The following SUCLG2 variants were observed in gnomAD, a reference collection of about 807,000 sequenced individuals.
The protein encoded by SUCLG2 is succinate--CoA ligase [GDP-forming] subunit beta, mitochondrial.
SUCLG2 carries 42 observed loss-of-function variants against 47.9 expected under a neutral mutation model. The ratio of observed to expected loss-of-function variants is 0.88; its 90% CI spans 0.69 to 1.14. SUCLG2 has a LOEUF of 1.14. Ranked by LOEUF, SUCLG2 falls within the 50% of genes most tolerant of loss-of-function variation. The pLI is 0.00. For synonymous variants in SUCLG2, 195 were observed against 197.3 expected, an observed-to-expected ratio of 0.99 and a Z score of 0.10; for missense variants, 571 against 525.9, an observed-to-expected ratio of 1.09 and a Z score of -0.84.
chr3:67,480,101 A>G (rs1704871885), intron 9 of SUCLG2, among the ~76,000 whole-genome samples: 2 of 151,450 alleles, frequency 1.3e-5, no homozygotes, highest in African/African-American at 4.9e-5. Context: ...GCTCTGGGCC[A>G]CCATAGGACG....
chr3:67,620,887 A>C (rs1373468396), intron 1 of SUCLG2, among the ~76,000 whole-genome samples: 1 of 152,230 alleles, frequency 6.6e-6, no homozygotes, highest in Non-Finnish European at 1.5e-5. Context: ...CTGGTAAGGC[A>C]AATACAGAGT....
At chr3:67,477,212 A>G (rs1704785991) in intron 9 of SUCLG2, among the ~76,000 whole-genome samples, 1 of 152,118 alleles carries the variant, frequency 6.6e-6, no homozygotes, top group South Asian at 2.1e-4. Flanking sequence ...CAAGAAGTTG[A>G]TTTAATTGCT....
chr3:67,424,029 T>C (rs1159541067), intron 9 of SUCLG2, among the ~76,000 whole-genome samples: 2 of 152,228 alleles, frequency 1.3e-5, no homozygotes, highest in Non-Finnish European at 2.9e-5. Flanking sequence ...ATAAATACTC[T>C]GATTTTGTTT....
intron 2 of SUCLG2, among the ~76,000 whole-genome samples, chr3:67,565,810 A>G (rs915867646): frequency 6.6e-6 from 1 of 152,258 alleles, no homozygotes; most frequent in South Asian, 2.1e-4. Context: ...ATGGTCTACT[A>G]AATGCATTGG....
At chr3:67,405,362 A>G (rs531029042) in intron 9 of SUCLG2, among the ~76,000 whole-genome samples, 8 of 152,346 alleles carry the variant, frequency 5.3e-5, no homozygotes, top group African/African-American at 1.7e-4. Flanking sequence ...AGCCCTTGCT[A>G]TTTATCAAGC....
intron 9 of SUCLG2, among the ~76,000 whole-genome samples, chr3:67,444,001 G>A (rs1474102963): frequency 2.2e-4 from 27 of 124,226 alleles, no homozygotes; most frequent in Non-Finnish European, 4.7e-4. Flanking sequence ...GCCCCATCCG[G>A]GAGGGAGGTG....
At chr3:67,368,405 T>C (rs1701903995) in intron 10 of SUCLG2, among the ~76,000 whole-genome samples, 1 of 152,198 alleles carries the variant, frequency 6.6e-6, no homozygotes, top group Admixed American at 6.5e-5. Context: ...ATTATATCTT[T>C]AAAATCACTT....
Position 67,569,124 on chromosome 3 carries a change from A to T in SUCLG2, c.227-39938T>A, listed in dbSNP as rs565814242. 2.0e-5 allele frequency among the ~76,000 whole-genome samples: 3 copies of T among 152,324 alleles called. No individual in the cohort carries two copies. In the South Asian group the frequency reaches 6.2e-4, roughly 32 times the overall value. ...TTATCAAGCTTACCAAAGCTAATGC[A>T]TTAATTCTCTCATTTCATGATTCAT... is the stretch of plus-strand genomic sequence containing the variant. On this transcript the variant is annotated intron_variant, in intron 2 of 10. Coordinates refer to ENST00000307227, the MANE Select transcript of SUCLG2 (RefSeq NM_003848.4).
chr3:67,439,125 A>T (rs2106906310), intron 9 of SUCLG2, among the ~76,000 whole-genome samples: 1 of 152,358 alleles, frequency 6.6e-6, no homozygotes, highest in Non-Finnish European at 1.5e-5. Flanking sequence ...AAACAGAACC[A>T]ATGACAAAAA....
intron 2 of SUCLG2, among the ~76,000 whole-genome samples, chr3:67,591,163 G>A (rs1334853173): frequency 1.3e-5 from 2 of 152,172 alleles, no homozygotes; most frequent in East Asian, 3.8e-4. Context: ...CTGGCTGTCT[G>A]TCTAGAAGCC....
At chr3:67,628,215 G>A (rs1700868087) in intron 1 of SUCLG2, among the ~76,000 whole-genome samples, 1 of 152,070 alleles carries the variant, frequency 6.6e-6, no homozygotes, top group Non-Finnish European at 1.5e-5. Flanking sequence ...TATGTATATG[G>A]CTAGAGCAGC....
chr3:67,528,444 T>C (rs577936549), intron 3 of SUCLG2, among the ~76,000 whole-genome samples: 3 of 152,134 alleles, frequency 2.0e-5, no homozygotes, highest in Admixed American at 6.6e-5. Flanking sequence ...AAACAAAAGA[T>C]GCTTTGTGAC....
intron 10 of SUCLG2, among the ~76,000 whole-genome samples, chr3:67,396,381 A>G (rs1702530252): frequency 6.6e-6 from 1 of 152,100 alleles, no homozygotes. Flanking sequence ...CCATCAGAGA[A>G]TACTACAAAC....
chr3:67,631,717 G>A (rs1305903384), intron 1 of SUCLG2, among the ~76,000 whole-genome samples: 2 of 152,162 alleles, frequency 1.3e-5, no homozygotes. Flanking sequence ...ACCTCTCAAT[G>A]TGTAATTATA....
At chr3:67,569,742 C>T (rs181190030) in intron 2 of SUCLG2, among the ~76,000 whole-genome samples, 4 of 152,312 alleles carry the variant, frequency 2.6e-5, no homozygotes, top group Admixed American at 2.0e-4. Flanking sequence ...AGATGTATCA[C>T]ACCTAGAGTC....
chr3:67,500,911 G>T (rs1206638175), intron 7 of SUCLG2, among the ~76,000 whole-genome samples: 1 of 152,190 alleles, frequency 6.6e-6, no homozygotes, highest in East Asian at 1.9e-4. Context: ...CTGCTTCAGA[G>T]AGAGAATAAT....
intron 2 of SUCLG2, among the ~76,000 whole-genome samples, chr3:67,574,650 T>TA (rs959516367): frequency 9.9e-5 from 15 of 151,640 alleles, no homozygotes; most frequent in Admixed American, 5.9e-4. Context: ...GTGACTCAGG[T>TA]AAAAAAAAAT....
chr3:67,451,142 T>A (rs1278009241), intron 9 of SUCLG2, among the ~76,000 whole-genome samples: 5 of 152,214 alleles, frequency 3.3e-5, no homozygotes, highest in Non-Finnish European at 7.3e-5. Context: ...TGCAGTGGCC[T>A]CCACTCAGCC....
intron 9 of SUCLG2, among the ~76,000 whole-genome samples, chr3:67,426,036 T>C (rs1001015031): frequency 4.6e-5 from 7 of 152,222 alleles, no homozygotes; most frequent in African/African-American, 1.7e-4. Context: ...TCTCACTTAA[T>C]ATATGACACA....
Sources: allele counts gnomAD v4.1 joint callset (sites outside exome capture counted in the v4.1 genomes callset), GRCh38; gene constraint gnomAD v4.1.1; transcripts MANE v1.5; gene names NCBI Gene and HGNC (gene_info 2026-07-23, HGNC 2026-07-21).